WDR27: variants seen among roughly 807,000 people sequenced by gnomAD.
The protein encoded by WDR27 is WD repeat-containing protein 27.
A neutral mutation model predicts 114.4 loss-of-function variants in WDR27; 100 were observed. The ratio of observed to expected loss-of-function variants is 0.87; its 90% CI spans 0.74 to 1.03. The LOEUF (loss-of-function observed/expected upper bound fraction) is 1.03, where lower values mean the gene tolerates loss of function less well. WDR27 is among the 50% of genes least tolerant of loss of function. The probability of loss-of-function intolerance (pLI) is 0.00; values close to 1 mark genes in which losing one functional copy is unlikely to be tolerated. For missense variants in WDR27, 1,129 were observed against 1,092.9 expected, an observed-to-expected ratio of 1.03 and a Z score of -0.47; for synonymous variants, 449 against 423.1, an observed-to-expected ratio of 1.06 and a Z score of -0.75.
chr6:169,676,825 A>G (rs910311602), intron 2 of WDR27, among the ~76,000 whole-genome samples: 10 of 152,184 alleles, frequency 6.6e-5, no homozygotes, highest in African/African-American at 2.4e-4. Flanking sequence ...AGCAATGTAC[A>G]TATTACATGT....
At chr6:169,557,564 A>C (rs1481147415) in intron 25 of WDR27, among the ~76,000 whole-genome samples, 1 of 152,214 alleles carries the variant, frequency 6.6e-6, no homozygotes, top group East Asian at 1.9e-4. Context: ...ATGAACTGCC[A>C]ATACTTTTAT....
At chr6:169,547,649 C>A (rs1204364347) in intron 25 of WDR27, among the ~76,000 whole-genome samples, 1 of 152,130 alleles carries the variant, frequency 6.6e-6, no homozygotes, top group African/African-American at 2.4e-5. Context: ...GAACAGAGAA[C>A]TTCTTCAACT....
At chr6:169,677,655 G>A (rs1780405785) in intron 2 of WDR27, among the ~76,000 whole-genome samples, 1 of 152,244 alleles carries the variant, frequency 6.6e-6, no homozygotes, top group African/African-American at 2.4e-5. Flanking sequence ...GATAACCAAG[G>A]CAATGGGAAA....
chr6:169,698,439 C>T (rs372479423), intron 1 of WDR27, among the ~76,000 whole-genome samples: 11 of 152,290 alleles, frequency 7.2e-5, no homozygotes, highest in Non-Finnish European at 1.3e-4. Flanking sequence ...CACGTGTCCA[C>T]GTCGAGAACA....
chr6:169,680,771 G>C (rs1192693309), intron 2 of WDR27, among the ~76,000 whole-genome samples: 1 of 152,112 alleles, frequency 6.6e-6, no homozygotes, highest in African/African-American at 2.4e-5. Flanking sequence ...AAAATAGAAA[G>C]TAGCCAAAGA....
chr6:169,698,125 C>T (rs999292200), intron 1 of WDR27, among the ~76,000 whole-genome samples: 2 of 152,170 alleles, frequency 1.3e-5, no homozygotes, highest in African/African-American at 4.8e-5. Context: ...GCCACCTTGA[C>T]GAGGAAGCAC....
At chr6:169,696,729 C>G (rs531683849) in intron 1 of WDR27, among the ~76,000 whole-genome samples, 5 of 152,228 alleles carry the variant, frequency 3.3e-5, no homozygotes, top group African/African-American at 1.2e-4. Context: ...GCCTGGCCAA[C>G]ATAGTGAAGC....
chr6:169,480,718 C>T (rs1422324506), intron 25 of WDR27, among the ~76,000 whole-genome samples: 1 of 152,022 alleles, frequency 6.6e-6, no homozygotes, highest in African/African-American at 2.4e-5. Context: ...TTTGTAAACA[C>T]ACCAATCAGT....
At chr6:169,638,338 A>G (rs1257821118) in intron 18 of WDR27, among the ~76,000 whole-genome samples, 1 of 150,756 alleles carries the variant, frequency 6.6e-6, no homozygotes, top group Non-Finnish European at 1.5e-5. Context: ...AAAAAAAAAA[A>G]AAAAAAAAAA....
At chr6:169,481,468 G>A (rs1356987042) in intron 25 of WDR27, among the ~76,000 whole-genome samples, 2 of 152,244 alleles carry the variant, frequency 1.3e-5, no homozygotes, top group Admixed American at 6.5e-5. Flanking sequence ...TCCACGCTGT[G>A]GAAACCTTGT....
At chr6:169,583,506 T>C (rs988640143) in intron 23 of WDR27, among the ~76,000 whole-genome samples, 1,859 of 14,774 alleles carry the variant, frequency 0.13, 39 homozygotes, top group African/African-American at 0.2. Flanking sequence ...TATATATATG[T>C]ATATATACAC....
rs113379311 is a variant in WDR27, at chr6:169,532,131, A to G, written c.2645+40288T>C. 3.5e-3 allele frequency among the ~76,000 whole-genome samples: 526 copies of G among 152,282 alleles called. 3 individuals carry two copies. The highest frequency in any genetic ancestry group is 0.012 in the African/African-American group (510 of 41,578). ...ACATTTTTAATTTTAATACAAGTGA[A>G]AATTTTTGAATAATTATTTGAAGAC... On this transcript the variant is annotated intron_variant, in intron 25 of 25. Coordinates refer to ENST00000448612, the MANE Select transcript of WDR27 (RefSeq NM_182552.5).
chr6:169,643,119 T>G (rs1271313289), intron 17 of WDR27, among the ~76,000 whole-genome samples: 1 of 152,210 alleles, frequency 6.6e-6, no homozygotes. Context: ...TTTGTGTTGT[T>G]TCTGTGCTTC....
intron 17 of WDR27, among the ~76,000 whole-genome samples, chr6:169,642,168 T>G (rs543048140): frequency 5.8e-4 from 88 of 152,290 alleles, no homozygotes; most frequent in African/African-American, 2.1e-3. Context: ...ATAAAGACAC[T>G]CATTTTTCTG....
At chr6:169,432,871 G>T in the WDR27 span, among the ~76,000 whole-genome samples, 2 of 152,156 alleles carry the variant, frequency 1.3e-5, no homozygotes, top group Non-Finnish European at 2.9e-5. Flanking sequence ...GAAAATGTGG[G>T]AAAGTTTGGA....
intron 25 of WDR27, among the ~76,000 whole-genome samples, chr6:169,546,674 T>C (rs1333590355): frequency 6.6e-6 from 1 of 152,102 alleles, no homozygotes; most frequent in Non-Finnish European, 1.5e-5. Context: ...ATGGAAGGGT[T>C]CCACAGCTCA....
intron 4 of WDR27, 46 bp from the exon 5 acceptor site, chr6:169,668,231 C>A (rs774783240): frequency 1.3e-6 from 2 of 1,595,456 alleles, no homozygotes; most frequent in Admixed American, 1.7e-5. Context: ...AGCTGGAATT[C>A]TCTGTATATA....
chr6:169,662,500 C>T, intron 8 of WDR27, 76 bp from the exon 9 acceptor site: 1 of 1,554,944 alleles, frequency 6.4e-7, no homozygotes, highest in Non-Finnish European at 8.7e-7. Context: ...AGGACTGCCA[C>T]ACAGAGATGC....
Position 169,602,232 on chromosome 6 carries a change from G to GC in WDR27, c.2410dup (p.Ala804GlyfsTer10). 1.9e-6 allele frequency: 3 copies of GC among 1,557,002 alleles called. No individual in the cohort carries two copies. In the East Asian group the frequency reaches 7.2e-5, roughly 37 times the overall value. ...AACAGTACATACGTGTCTGTCCTCGGCCCCACAAGCCGCGAATCGTCCACA... is the reference window on the plus strand; with the variant it reads ...AACAGTACATACGTGTCTGTCCTCGGCCCCCACAAGCCGCGAATCGTCCACA... On this transcript the variant is annotated frameshift_variant, in exon 23 of 26. Coordinates refer to ENST00000448612, the MANE Select transcript of WDR27 (RefSeq NM_182552.5). LOFTEE classifies it high-confidence loss of function.
Sources: allele counts gnomAD v4.1 joint callset (sites outside exome capture counted in the v4.1 genomes callset), GRCh38; gene constraint gnomAD v4.1.1; transcripts MANE v1.5; gene names NCBI Gene and HGNC (gene_info 2026-07-23, HGNC 2026-07-21).